CFAP54: variants seen among roughly 807,000 people sequenced by gnomAD.
The protein encoded by CFAP54 is cilia and flagella associated protein 54.
Under a neutral mutation model 370.4 loss-of-function variants are expected in CFAP54, and 290 were observed. The observed-to-expected ratio is 0.78, with a 90% CI of 0.71 to 0.86. The LOEUF (loss-of-function observed/expected upper bound fraction) is 0.86. Among genes scored for constraint, CFAP54 ranks in the 40% least tolerant of loss-of-function variants. The pLI is 0.00. For missense variants in CFAP54, 3,399 were observed against 3,528.7 expected, an observed-to-expected ratio of 0.96 and a Z score of 0.93; for synonymous variants, 1,206 against 1,236.5, an observed-to-expected ratio of 0.98 and a Z score of 0.52.
Position 96,720,547 on chromosome 12 carries a change from G to A in CFAP54, c.6947G>A (p.Arg2316Lys). The change falls in exon 50 of 68, where the codon AGG becomes AAG. Residue 2316 changes from arginine (R) to lysine (K), a missense_variant. Physicochemically the swap from Arg to Lys is conservative, Grantham distance 26. Coordinates refer to ENST00000524981, the MANE Select transcript of CFAP54 (RefSeq NM_001306084.2). Reference sequence around the variant, plus strand: ...CAGCTGGCTGCAGTTGCTCTGCAGAGGCACCGGGCGGCATACAGGTGCGTC... The same window carrying A: ...CAGCTGGCTGCAGTTGCTCTGCAGAAGCACCGGGCGGCATACAGGTGCGTC... ...RLQLAAVALQ[R>K]HRAAYSAAIV... is the part of the protein sequence containing the mutation. The A allele has an allele frequency of 6.4e-7, 1 of 1,556,474 alleles. No individual in the cohort carries two copies. Among genetic ancestry groups the A allele is most frequent in the Non-Finnish European group, 8.7e-7 (1 of 1,147,768 alleles).
chr12:96,744,525 A>G (rs1489095497), intron 55 of CFAP54, among the ~76,000 whole-genome samples: 1 of 152,242 alleles, frequency 6.6e-6, no homozygotes, highest in Non-Finnish European at 1.5e-5. Flanking sequence ...CATTTCTTAA[A>G]TAATCTGTTG....
At chr12:96,603,599 A>G (rs2136447086) in intron 26 of CFAP54, among the ~76,000 whole-genome samples, 1 of 152,290 alleles carries the variant, frequency 6.6e-6, no homozygotes, top group Non-Finnish European at 1.5e-5. Context: ...CACCAATCAG[A>G]CGTAGATCTG....
chr12:96,552,543 C>T (rs959924724), intron 15 of CFAP54, among the ~76,000 whole-genome samples: 9 of 152,030 alleles, frequency 5.9e-5, no homozygotes, highest in Non-Finnish European at 8.8e-5. Context: ...CACGGTTTCA[C>T]GGTTTTGGCC....
chr12:96,771,888 GT>G (rs1440920934), intron 60 of CFAP54, among the ~76,000 whole-genome samples: 1 of 152,274 alleles, frequency 6.6e-6, no homozygotes, highest in African/African-American at 2.4e-5. Context: ...TCTGAAGATG[GT>G]TATAGTACAA....
chr12:96,724,391 C>T (rs1171264889), intron 50 of CFAP54, among the ~76,000 whole-genome samples: 2 of 151,946 alleles, frequency 1.3e-5, no homozygotes, highest in Admixed American at 6.6e-5. Context: ...GATGGTATCT[C>T]ATTGTGGTTT....
intron 17 of CFAP54, among the ~76,000 whole-genome samples, chr12:96,555,719 T>C (rs1325198787): frequency 6.6e-6 from 1 of 151,716 alleles, no homozygotes; most frequent in Non-Finnish European, 1.5e-5. Context: ...CAAAAAATTA[T>C]AAGACTTTAC....
chr12:96,772,308 G>A (rs555798347), intron 60 of CFAP54, among the ~76,000 whole-genome samples: 175 of 152,154 alleles, frequency 1.2e-3, no homozygotes, highest in Admixed American at 2.6e-3. Context: ...GTCTTATTGG[G>A]CTAATTCAGG....
At chr12:96,550,139 G>T (rs994232345) in intron 15 of CFAP54, among the ~76,000 whole-genome samples, 24 of 152,152 alleles carry the variant, frequency 1.6e-4, no homozygotes, top group Admixed American at 1.4e-3. Context: ...AAAGCATTTA[G>T]CCCTATACCT....
chr12:96,489,784 G>C lies in CFAP54; in HGVS notation c.175G>C (p.Ala59Pro), dbSNP rs1455416825. The C allele has an allele frequency of 6.5e-7, 1 of 1,535,982 alleles. No individual in the cohort carries two copies. Among genetic ancestry groups the C allele is most frequent in the African/African-American group, 1.4e-5 (1 of 73,038 alleles). The change falls in exon 1 of 68, where the codon GCC becomes CCC. Residue 59 changes from alanine to proline, a missense_variant. Coordinates refer to ENST00000524981, the MANE Select transcript of CFAP54 (RefSeq NM_001306084.2). ...CTGCCCCGAGGACTCATTGCCCCTAGCCGTGTTTTATGGGCCGCTGGACGC... is the reference window on the plus strand; with the variant it reads ...CTGCCCCGAGGACTCATTGCCCCTACCCGTGTTTTATGGGCCGCTGGACGC... ...WTCPEDSLPL[A>P]VFYGPLDAKN...
At chr12:96,530,299 G>A (rs1331628693) in intron 9 of CFAP54, among the ~76,000 whole-genome samples, 1 of 152,204 alleles carries the variant, frequency 6.6e-6, no homozygotes, top group East Asian at 1.9e-4. Flanking sequence ...AGACCAGCCT[G>A]GCTAACATGG....
chr12:96,809,804 G>T (rs577711892), intron 63 of CFAP54, among the ~76,000 whole-genome samples: 2 of 152,230 alleles, frequency 1.3e-5, no homozygotes, highest in South Asian at 4.1e-4. Context: ...GCACCTGTAG[G>T]TCTTTTCTCT....
chr12:96,520,084 G>A (rs537848418), intron 6 of CFAP54, among the ~76,000 whole-genome samples: 1 of 152,292 alleles, frequency 6.6e-6, no homozygotes, highest in South Asian at 2.1e-4. Flanking sequence ...CTGGAGTGCA[G>A]TGGTCTGATC....
chr12:96,546,721 C>T (rs201052780), intron 14 of CFAP54, among the ~76,000 whole-genome samples: 2 of 150,016 alleles, frequency 1.3e-5, no homozygotes, highest in African/African-American at 2.4e-5. Context: ...CCCAGCTGCT[C>T]GGGAGGCTGA....
In CFAP54 at chr12:96,729,951, A is replaced by G. The variant is rs528336859; in HGVS notation, c.6965+9386A>G. Reference sequence around the variant, plus strand: ...TCTTGAAATGAGAGATGATAATGAAAAAGACCCAGTACAGAGAGCAAATGT... The same window carrying G: ...TCTTGAAATGAGAGATGATAATGAAGAAGACCCAGTACAGAGAGCAAATGT... On this transcript the variant is annotated intron_variant, in intron 50 of 67. Transcript: ENST00000524981. Among the ~76,000 whole-genome samples the G allele has an allele frequency of 2.0e-5, 3 of 152,274 alleles. No homozygotes were observed. In the East Asian group the frequency reaches 5.8e-4, roughly 29 times the overall value.
At chr12:96,547,272 G>A (rs1472464747) in intron 14 of CFAP54, among the ~76,000 whole-genome samples, 4 of 152,070 alleles carry the variant, frequency 2.6e-5, no homozygotes, top group Admixed American at 6.6e-5. Context: ...TGCAACCTCC[G>A]CCTCCCGGGT....
At chr12:96,528,015 A>T (rs1354590410) in intron 9 of CFAP54, among the ~76,000 whole-genome samples, 1 of 152,000 alleles carries the variant, frequency 6.6e-6, no homozygotes, top group Non-Finnish European at 1.5e-5. Flanking sequence ...TTAATCTTTT[A>T]ATTTCTCTTT....
At chr12:96,560,877 A>G (rs1343785921) in intron 17 of CFAP54, among the ~76,000 whole-genome samples, 1 of 152,204 alleles carries the variant, frequency 6.6e-6, no homozygotes, top group East Asian at 1.9e-4. Flanking sequence ...TAATTATTAC[A>G]GTGGTTGTAC....
At chr12:96,823,009 G>T (rs1959049704) in intron 65 of CFAP54, among the ~76,000 whole-genome samples, 1 of 152,172 alleles carries the variant, frequency 6.6e-6, no homozygotes, top group South Asian at 2.1e-4. Flanking sequence ...ATTCTGCACT[G>T]TATAGACAGG....
chr12:96,747,435 C>CA (rs1376292714), intron 55 of CFAP54, among the ~76,000 whole-genome samples: 2 of 152,130 alleles, frequency 1.3e-5, no homozygotes, highest in East Asian at 1.9e-4. Context: ...ACTTTTGTAA[C>CA]AAAAAAATTG....
Sources: allele counts gnomAD v4.1 joint callset (sites outside exome capture counted in the v4.1 genomes callset), GRCh38; gene constraint gnomAD v4.1.1; transcripts MANE v1.5; gene names NCBI Gene and HGNC (gene_info 2026-07-23, HGNC 2026-07-21).